MSL2: variants seen among roughly 807,000 people sequenced by gnomAD.
MSL2 encodes E3 ubiquitin-protein ligase MSL2.
In MSL2, 2 loss-of-function variants were observed where a neutral mutation model predicts 35.8. The observed-to-expected ratio is 0.06, with a 90% CI of 0.02 to 0.18. MSL2 has a LOEUF of 0.18. Among genes scored for constraint, MSL2 ranks in the 10% least tolerant of loss-of-function variants. The pLI is 1.00. For synonymous variants in MSL2, 296 were observed against 255.7 expected (o/e 1.16, Z -1.50); for missense variants, 523 against 706.7 (o/e 0.74, Z 2.95).
Position 136,195,848 on chromosome 3 carries a change from C to A in MSL2, c.-735G>T, listed in dbSNP as rs899237225. ...AGGGGAAGGCCGGGGAGGAAGTGCG[C>A]GGGCCGCCGCCGGCGGGCGGGAGGG... On this transcript the variant is annotated 5_prime_UTR_variant, in exon 1 of 2. Coordinates refer to ENST00000309993, the MANE Select transcript of MSL2 (RefSeq NM_018133.4). The A allele has an allele frequency of 1.3e-4, 126 of 982,898 alleles. No homozygotes were observed. The highest frequency in any genetic ancestry group is 1.5e-4 in the Non-Finnish European group (121 of 828,300). The allele number at this position is 982,898 out of a possible 1,614,324, so 60.9% of individuals were successfully genotyped here.
intron 1 of MSL2, among the ~76,000 whole-genome samples, chr3:136,170,738 C>T (rs755793726): frequency 1.2e-4 from 18 of 151,824 alleles, no homozygotes; most frequent in Admixed American, 2.6e-4. Flanking sequence ...CTCTTGACTT[C>T]GTGATCCGCC....
At chr3:136,176,347 C>T (rs1940174762) in intron 1 of MSL2, among the ~76,000 whole-genome samples, 1 of 151,682 alleles carries the variant, frequency 6.6e-6, no homozygotes, top group South Asian at 2.1e-4. Context: ...AACCCCGTCT[C>T]TACTAAAAAT....
intron 1 of MSL2, among the ~76,000 whole-genome samples, chr3:136,162,351 C>A (rs369172926): frequency 6.0e-5 from 9 of 151,002 alleles, no homozygotes; most frequent in Non-Finnish European, 1.2e-4. Flanking sequence ...GAGAGGCCAG[C>A]GTAGGCAGAT....
chr3:136,189,406 A>G (rs760714922), intron 1 of MSL2, among the ~76,000 whole-genome samples: 14 of 144,338 alleles, frequency 9.7e-5, no homozygotes, highest in Non-Finnish European at 1.7e-4. Context: ...TCCTACCTGC[A>G]TACTAGATAA....
intron 1 of MSL2, among the ~76,000 whole-genome samples, chr3:136,169,384 T>C (rs959402823): frequency 1.2e-4 from 19 of 152,170 alleles, no homozygotes; most frequent in African/African-American, 4.6e-4. Context: ...CCTCAAACAT[T>C]TATCATTTCC....
chr3:136,153,939 C>T (rs1229575282), intron 1 of MSL2, among the ~76,000 whole-genome samples: 1 of 151,784 alleles, frequency 6.6e-6, no homozygotes, highest in Non-Finnish European at 1.5e-5. Flanking sequence ...AAAAATTAGC[C>T]GGGCAGGGTG....
chr3:136,195,853 C>A lies in MSL2; in HGVS notation c.-740G>T. Reference sequence around the variant, plus strand: ...AAGGCCGGGGAGGAAGTGCGCGGGCCGCCGCCGGCGGGCGGGAGGGGGCGG... The same window carrying A: ...AAGGCCGGGGAGGAAGTGCGCGGGCAGCCGCCGGCGGGCGGGAGGGGGCGG... On this transcript the variant is annotated 5_prime_UTR_variant, in exon 1 of 2. Coordinates refer to ENST00000309993, the MANE Select transcript of MSL2 (RefSeq NM_018133.4). The A allele has an allele frequency of 2.0e-6, 2 of 982,254 alleles. No individual in the cohort carries two copies. Among genetic ancestry groups the A allele is most frequent in the Non-Finnish European group, 1.2e-6 (1 of 827,720 alleles). 60.8% of individuals were successfully genotyped at this position (982,254 alleles called of 1,614,324 possible).
At chr3:136,167,035 G>C (rs1939872377) in intron 1 of MSL2, among the ~76,000 whole-genome samples, 1 of 152,050 alleles carries the variant, frequency 6.6e-6, no homozygotes, top group African/African-American at 2.4e-5. Flanking sequence ...GAGAAATTAA[G>C]TTTATGGAAA....
chr3:136,188,068 T>G (rs1940573230), intron 1 of MSL2, among the ~76,000 whole-genome samples: 1 of 152,116 alleles, frequency 6.6e-6, no homozygotes, highest in African/African-American at 2.4e-5. Flanking sequence ...CTACAAGAGC[T>G]CTTCATTCCA....
chr3:136,191,217 C>T (rs1349727838), intron 1 of MSL2, among the ~76,000 whole-genome samples: 1 of 152,070 alleles, frequency 6.6e-6, no homozygotes, highest in East Asian at 1.9e-4. Context: ...ACCTGTAATC[C>T]CAGCACTTTG....
At chr3:136,186,471 G>A (rs974854477) in intron 1 of MSL2, among the ~76,000 whole-genome samples, 27 of 152,330 alleles carry the variant, frequency 1.8e-4, no homozygotes, top group Non-Finnish European at 3.1e-4. Context: ...GAAGTGAGCA[G>A]GAAGTGAACT....
intron 1 of MSL2, chr3:136,194,470 G>A: frequency 1.0e-6 from 1 of 985,868 alleles, no homozygotes; most frequent in Non-Finnish European, 1.2e-6. Context: ...AGCATTTGTG[G>A]AGGAACCTGG....
rs1940811196 is a variant in MSL2 at position 136,195,479 on chromosome 3, C to G, written c.-366G>C. On this transcript the variant is annotated 5_prime_UTR_variant, in exon 1 of 2. Transcript: ENST00000309993. ...GCGGCCTGCACTCGAGCTCCATCTCCGGACACGGAGGCGCCTCCTCAAGTC... is the reference window on the plus strand; with the variant it reads ...GCGGCCTGCACTCGAGCTCCATCTCGGGACACGGAGGCGCCTCCTCAAGTC... The G allele has an allele frequency of 2.0e-6, 2 of 1,017,576 alleles. No individual in the cohort carries two copies. The highest frequency in any genetic ancestry group is 5.9e-5 in the Admixed American group (1 of 16,974). The allele number at this position is 1,017,576 out of a possible 1,614,324, so 63.0% of individuals were successfully genotyped here. A position where few individuals can be genotyped will look rare whatever the true frequency, so the allele number is the denominator to read the frequency against.
In MSL2 at chr3:136,181,921, AAAATAAATAAAT is replaced by A. The variant is rs144747029; in HGVS notation, c.142+13039_142+13050del. 5.2e-3 allele frequency among the ~76,000 whole-genome samples: 771 copies of A among 147,362 alleles called. 8 individuals carry two copies. Among genetic ancestry groups the A allele is most frequent in the African/African-American group, 0.017 (682 of 40,144 alleles). On this transcript the variant is annotated intron_variant, in intron 1 of 1. Coordinates refer to ENST00000309993, the MANE Select transcript of MSL2 (RefSeq NM_018133.4). Reference sequence around the variant, plus strand: ...GCAACAGAGTGAGACTCTGTCTCAAAAAATAAATAAATAAATAAATAAATAAATAAATAAATA... The same window carrying A: ...GCAACAGAGTGAGACTCTGTCTCAAAAAATAAATAAATAAATAAATAAATA...
At chr3:136,172,207 C>T (rs1252225501) in intron 1 of MSL2, among the ~76,000 whole-genome samples, 2 of 152,078 alleles carry the variant, frequency 1.3e-5, no homozygotes, top group Non-Finnish European at 2.9e-5. Context: ...CCAAATTTAC[C>T]AGAAGGTTTA....
intron 1 of MSL2, among the ~76,000 whole-genome samples, chr3:136,154,940 G>A (rs1939476750): frequency 6.6e-6 from 1 of 152,112 alleles, no homozygotes; most frequent in South Asian, 2.1e-4. Flanking sequence ...AGGGCGCAGT[G>A]GCTCACAACT....
At position 136,151,620 on chromosome 3, in the gene MSL2, A is replaced by G. The variant is rs1486679879; in HGVS notation, c.1261T>C (p.Ser421Pro). Residue 421 changes from serine to proline, a missense_variant, in exon 2 of 2, where the codon TCT becomes CCT. Ser to Pro is a moderately conservative substitution (Grantham distance 74). Transcript: ENST00000309993. The surrounding 1 kb of genome is among the most constrained non-coding windows in gnomAD (Gnocchi z 5.2). ...SHEHGSKKSH[S>P]KTKPGILKKD... is the part of the protein sequence containing the mutation. ...TTAAGAATACCTGGCTTGGTTTTAGAGTGAGATTTCTTGGATCCATGTTCA... is the reference window on the plus strand; with the variant it reads ...TTAAGAATACCTGGCTTGGTTTTAGGGTGAGATTTCTTGGATCCATGTTCA... The G allele has an allele frequency of 1.2e-6, 2 of 1,613,968 alleles. No individual in the cohort carries two copies. The highest frequency in any genetic ancestry group is 2.2e-5 in the South Asian group (2 of 91,072).
At chr3:136,176,193 T>C (rs1291323203) in intron 1 of MSL2, among the ~76,000 whole-genome samples, 1 of 152,196 alleles carries the variant, frequency 6.6e-6, no homozygotes, top group Non-Finnish European at 1.5e-5. Context: ...TGCAGGCATA[T>C]TTTAAAGTCT....
intron 1 of MSL2, among the ~76,000 whole-genome samples, chr3:136,176,515 C>CAAAAAAAAAAAAAA (rs771021498): frequency 1.8e-5 from 1 of 54,154 alleles, no homozygotes; most frequent in African/African-American, 6.4e-5. Context: ...GACCCTCTCT[C>CAAAAAAAAAAAAAA]AAAAAAAAAA....
Sources: allele counts gnomAD v4.1 joint callset (sites outside exome capture counted in the v4.1 genomes callset), GRCh38; gene constraint gnomAD v4.1.1; non-coding constraint Gnocchi (gnomAD v3.1); transcripts MANE v1.5; gene names NCBI Gene and HGNC (gene_info 2026-07-23, HGNC 2026-07-21).